The following PUDP variants were observed in gnomAD, a reference collection of about 807,000 sequenced individuals.
PUDP encodes the protein pseudouridine 5'-phosphatase.
Under a neutral mutation model 9.4 loss-of-function variants are expected in PUDP, and 8 were observed. The observed-to-expected ratio is 0.85, with a 90% CI of 0.50 to 1.53. The LOEUF is 1.53. Among genes scored for constraint, PUDP ranks in the 40% most tolerant of loss-of-function variants. PUDP has a pLI of 0.00. For missense variants in PUDP, 188 were observed against 189.7 expected, an observed-to-expected ratio of 0.99 and a Z score of 0.05; for synonymous variants, 99 against 80.7, an observed-to-expected ratio of 1.23 and a Z score of -1.22.
chrX:6,974,092 T>C (rs1928918266), intron 3 of PUDP, among the ~76,000 whole-genome samples: 1 of 112,017 alleles, frequency 8.9e-6, no homozygotes, highest in South Asian at 3.7e-4. Flanking sequence ...TGAGCCTATG[T>C]GTGTCTTTGC....
At chrX:6,711,366 CGCTCCTTCCTTCCGGGTGT>C (rs1924530336) in intron 1 of PUDP, among the ~76,000 whole-genome samples, 1 of 110,774 alleles carries the variant, frequency 9.0e-6, no homozygotes, top group African/African-American at 3.3e-5. Flanking sequence ...CTCTGAGCAG[CGCTCCTTCCTTCCGGGTGT>C]GCTGCGAGAC....
At chrX:7,031,903 T>TA (rs1231405561) in intron 1 of PUDP, among the ~76,000 whole-genome samples, 3 of 111,748 alleles carry the variant, frequency 2.7e-5, no homozygotes, top group Admixed American at 1.9e-4. Context: ...CACTAAACAT[T>TA]AAAAAATCAT....
At chrX:6,890,510 A>G (rs1431945918) in intron 3 of PUDP, among the ~76,000 whole-genome samples, 1 of 111,707 alleles carries the variant, frequency 9.0e-6, no homozygotes, top group Non-Finnish European at 1.9e-5. Flanking sequence ...ATAAGGAGAC[A>G]CTTTGCCTTC....
chrX:7,141,183 T>C (rs757934950), intron 1 of PUDP, among the ~76,000 whole-genome samples: 115 of 112,311 alleles, frequency 1.0e-3, no homozygotes, highest in Middle Eastern at 4.6e-3. Context: ...AAGCTAGAAA[T>C]GGTTAAGCTT....
chrX:6,909,449 T>C (rs1294599727), intron 3 of PUDP, among the ~76,000 whole-genome samples: 4 of 112,014 alleles, frequency 3.6e-5, no homozygotes, highest in Non-Finnish European at 5.6e-5. Flanking sequence ...CCATTTCACC[T>C]TCTTTTTTCT....
chrX:6,714,824 A>G (rs894870276), intron 1 of PUDP, among the ~76,000 whole-genome samples: 1 of 111,545 alleles, frequency 9.0e-6, no homozygotes, highest in Non-Finnish European at 1.9e-5. Context: ...GATTCTTCAA[A>G]CCAACCTTCA....
intron 1 of PUDP, among the ~76,000 whole-genome samples, chrX:6,988,750 A>T (rs866730389): frequency 9.0e-6 from 1 of 110,610 alleles, no homozygotes; most frequent in Admixed American, 9.6e-5. Flanking sequence ...CCCCAATAAA[A>T]CTGTTTAATC....
chrX:6,907,599 T>A lies in PUDP; in HGVS notation c.*247+69534A>T, dbSNP rs751037230. ...TGTTTTGTCTTCAGCTACAACCCAG[T>A]AGGGAGGAGCACCTCCCACAAAGTA... On this transcript the variant is annotated intron_variant and NMD_transcript_variant, in intron 3 of 3. Transcript: ENST00000655425. Among the ~76,000 whole-genome samples, 5 of 111,994 alleles carry A rather than the reference T, an allele frequency of 4.5e-5. No individual in the cohort carries two copies. The South Asian group carries it at 1.5e-3, about 33-fold the overall frequency.
At chrX:6,932,642 G>A (rs940017521) in intron 3 of PUDP, among the ~76,000 whole-genome samples, 1 of 111,393 alleles carries the variant, frequency 9.0e-6, no homozygotes, top group South Asian at 3.8e-4. Context: ...TGCGCGCACC[G>A]TGCGCGAGCC....
intron 3 of PUDP, among the ~76,000 whole-genome samples, chrX:6,808,923 A>G (rs182829318): frequency 2.5e-3 from 281 of 112,374 alleles, no homozygotes; most frequent in African/African-American, 8.9e-3. Flanking sequence ...GAAGCAAATC[A>G]GTGAAAAGAA....
Position 6,975,453 on chromosome X carries a change from T to C in PUDP, c.*247+1680A>G, listed in dbSNP as rs1928939141. Among the ~76,000 whole-genome samples, 6 of 111,283 alleles carry C rather than the reference T, an allele frequency of 5.4e-5. No homozygotes were observed. In the South Asian group the frequency reaches 2.3e-3, roughly 43 times the overall value. On this transcript the variant is annotated intron_variant and NMD_transcript_variant, in intron 3 of 3. Coordinates refer to the PUDP transcript ENST00000655425. ...TTCCTTTCTGCTTGTTAGTTTTTCTTCTAACAGTCAGGCCCCTCTGCTGCA... is the reference window on the plus strand; with the variant it reads ...TTCCTTTCTGCTTGTTAGTTTTTCTCCTAACAGTCAGGCCCCTCTGCTGCA...
chrX:7,067,050 G>A (rs1291285366), intron 3 of PUDP, among the ~76,000 whole-genome samples: 1 of 112,136 alleles, frequency 8.9e-6, no homozygotes, highest in African/African-American at 3.2e-5. Flanking sequence ...TGCCATCCTG[G>A]AATTTCTCCA....
intron 3 of PUDP, among the ~76,000 whole-genome samples, chrX:6,948,460 T>A (rs6639728): frequency 0.21 from 23,257 of 110,852 alleles, 1,964 homozygotes; most frequent in Admixed American, 0.35. Context: ...TTCATGTTTC[T>A]TATTTGAGAA....
intron 3 of PUDP, among the ~76,000 whole-genome samples, chrX:6,938,461 T>C (rs1280926235): frequency 1.4e-5 from 1 of 72,810 alleles, no homozygotes; most frequent in African/African-American, 5.2e-5. Flanking sequence ...GGAAGGGGAA[T>C]ATCACACTCT....
At chrX:7,112,361 T>C (rs1046585182) in intron 1 of PUDP, among the ~76,000 whole-genome samples, 14 of 112,311 alleles carry the variant, frequency 1.2e-4, no homozygotes, top group South Asian at 3.7e-4. Flanking sequence ...TCTGGCTCCA[T>C]AGATTTTGGG....
chrX:6,910,026 T>A (rs1927825860), intron 3 of PUDP, among the ~76,000 whole-genome samples: 1 of 112,101 alleles, frequency 8.9e-6, no homozygotes. Flanking sequence ...CCATGTGGAC[T>A]CAGTCATCAC....
intron 3 of PUDP, among the ~76,000 whole-genome samples, chrX:6,778,600 G>C (rs1195551602): frequency 8.9e-6 from 1 of 112,496 alleles, no homozygotes; most frequent in East Asian, 2.8e-4. Flanking sequence ...AAATGTCAGG[G>C]AGCAGAGAGT....
chrX:6,838,914 T>TG (rs1251504267), intron 3 of PUDP, among the ~76,000 whole-genome samples: 1 of 112,286 alleles, frequency 8.9e-6, no homozygotes, highest in Non-Finnish European at 1.9e-5. Context: ...GCTGGGCTCT[T>TG]GGGGTCCACA....
chrX:6,870,561 G>A (rs757361908), intron 3 of PUDP, among the ~76,000 whole-genome samples: 1 of 111,958 alleles, frequency 8.9e-6, no homozygotes, highest in Non-Finnish European at 1.9e-5. Flanking sequence ...ACTGTAAGTC[G>A]ATTAAATCTT....
Sources: allele counts gnomAD v4.1 joint callset (sites outside exome capture counted in the v4.1 genomes callset), GRCh38; gene constraint gnomAD v4.1.1; transcripts MANE v1.5; gene names NCBI Gene and HGNC (gene_info 2026-07-23, HGNC 2026-07-21).